Variants in MFSD11 observed in about 807,000 individuals in gnomAD.
The protein encoded by MFSD11 is major facilitator superfamily domain containing 11.
Under a neutral mutation model 53.5 loss-of-function variants are expected in MFSD11, and 36 were observed. That is an observed-to-expected ratio of 0.67 (90% CI 0.52 to 0.89). The LOEUF (loss-of-function observed/expected upper bound fraction) is 0.89. Among genes scored for constraint, MFSD11 ranks in the 40% least tolerant of loss-of-function variants. The pLI, the probability that MFSD11 is intolerant of heterozygous loss-of-function variation, is 0.00. For synonymous variants in MFSD11, 186 were observed against 184.9 expected, an observed-to-expected ratio of 1.01 and a Z score of -0.05; for missense variants, 530 against 543.9, an observed-to-expected ratio of 0.97 and a Z score of 0.25.
chr17:76,796,810 C>CAA, the MFSD11 span, among the ~76,000 whole-genome samples: 209 of 20,820 alleles, frequency 0.01, 2 homozygotes, highest in Admixed American at 0.028. Flanking sequence ...ACTAAAAATA[C>CAA]CAAAAAAAAA....
At chr17:76,781,334 G>A (rs868781969), downstream of MFSD11, 4 of 152,326 alleles carry the variant, frequency 2.6e-5, no homozygotes, top group Admixed American at 6.5e-5. Context: ...CTCCATCAAA[G>A]GTCACAAGCA....
intron 7 of MFSD11, chr17:76,753,035 T>TG: frequency 6.8e-6 from 1 of 148,132 alleles, no homozygotes; most frequent in Admixed American, 6.7e-5. Flanking sequence ...TCTTGTTCCA[T>TG]AAAAAAAAAA....
downstream of MFSD11, among the ~76,000 whole-genome samples, chr17:76,781,719 G>A (rs999147447): frequency 6.6e-6 from 1 of 152,168 alleles, no homozygotes; most frequent in Non-Finnish European, 1.5e-5. Context: ...TTGTCAAAAG[G>A]GAAAGGAAAT....
chr17:76,748,382 A>G (rs1036044613), intron 7 of MFSD11, among the ~76,000 whole-genome samples: 1 of 152,150 alleles, frequency 6.6e-6, no homozygotes, highest in Non-Finnish European at 1.5e-5. Flanking sequence ...AAGAGGTCCA[A>G]AGAGACAGCT....
At chr17:76,796,290 T>C in the MFSD11 span, among the ~76,000 whole-genome samples, 11 of 152,168 alleles carry the variant, frequency 7.2e-5, no homozygotes, top group Admixed American at 2.0e-4. Context: ...AGCCTTTTCC[T>C]GACTTTAGTG....
chr17:76,801,609 G>A, the MFSD11 span, among the ~76,000 whole-genome samples: 4 of 152,020 alleles, frequency 2.6e-5, no homozygotes, highest in Middle Eastern at 6.8e-3. Context: ...ACCACGCCTG[G>A]CTAATTTTGC....
chr17:76,744,283 T>G lies in MFSD11; in HGVS notation c.497-39T>G, dbSNP rs775171257. The stretch of plus-strand genomic sequence containing the variant: ...ACCGTGATACTAATTCTGGAATTGT[T>G]TGGTCGATACTATCTTGTTTCTTCT... On this transcript the variant is annotated intron_variant, in intron 6 of 12. Transcript: ENST00000685175. 3.2e-6 allele frequency: 5 copies of G among 1,566,290 alleles called. No homozygotes were observed. The African/African-American group carries it at 4.1e-5, about 13-fold the overall frequency.
chr17:76,783,718 C>A (rs1461203766), downstream of MFSD11, among the ~76,000 whole-genome samples: 1 of 152,102 alleles, frequency 6.6e-6, no homozygotes, highest in Admixed American at 6.6e-5. Flanking sequence ...GCCACCACGC[C>A]CAGCCTATTT....
intron 10 of MFSD11, among the ~76,000 whole-genome samples, chr17:76,772,350 A>G (rs905867502): frequency 2.6e-5 from 4 of 151,886 alleles, no homozygotes; most frequent in African/African-American, 9.6e-5. Context: ...CAGTGAATCC[A>G]GATCACACCA....
intron 8 of MFSD11, among the ~76,000 whole-genome samples, chr17:76,764,286 C>T (rs546690552): frequency 3.3e-5 from 5 of 152,094 alleles, no homozygotes; most frequent in Admixed American, 6.5e-5. Context: ...TACTTTCCAA[C>T]CAAATTTCAA....
downstream of MFSD11, among the ~76,000 whole-genome samples, chr17:76,783,715 C>T (rs1170188954): frequency 4.6e-5 from 7 of 152,092 alleles, no homozygotes; most frequent in Non-Finnish European, 7.4e-5. Flanking sequence ...CCTGCCACCA[C>T]GCCCAGCCTA....
downstream of MFSD11, among the ~76,000 whole-genome samples, chr17:76,784,932 A>G (rs1253470722): frequency 6.6e-6 from 1 of 152,178 alleles, no homozygotes; most frequent in Non-Finnish European, 1.5e-5. Flanking sequence ...CTTATTCTCA[A>G]CAAACTAAAA....
At chr17:76,737,860 C>T (rs2077635017), upstream of MFSD11, 1 of 164,848 alleles carries the variant, frequency 6.1e-6, no homozygotes, top group African/African-American at 2.4e-5. Flanking sequence ...AGCCCGAGAG[C>T]TCCGTCGGCT....
downstream of MFSD11, among the ~76,000 whole-genome samples, chr17:76,780,428 G>A (rs991144746): frequency 1.7e-4 from 26 of 151,146 alleles, no homozygotes; most frequent in African/African-American, 6.1e-4. Flanking sequence ...CCATGGCCTC[G>A]CAAAGTGCTG....
In MFSD11 at chr17:76,776,815, A is replaced by G. The variant is rs2081875569; in HGVS notation, c.1185+274A>G. On this transcript the variant is annotated intron_variant, in intron 12 of 12. Transcript: ENST00000685175. This position sits in a 1 kb window ranked among gnomAD's most constrained non-coding sequence, Gnocchi z 4.2. The stretch of plus-strand genomic sequence containing the variant: ...ACCACCATGCCTGGCTAATTTTTGT[A>G]TTTTTTTTTTCTTTTTAGCAGAGGC... Among the ~76,000 whole-genome samples the G allele has an allele frequency of 6.8e-6, 1 of 146,900 alleles. No homozygotes were observed. The highest frequency in any genetic ancestry group is 1.5e-5 in the Non-Finnish European group (1 of 66,250).
At chr17:76,774,738 T>C (rs1256957340) in intron 10 of MFSD11, among the ~76,000 whole-genome samples, 1 of 152,212 alleles carries the variant, frequency 6.6e-6, no homozygotes, top group Non-Finnish European at 1.5e-5. Context: ...GGATAGCTTG[T>C]GGGGTACAAT....
At chr17:76,786,427 C>A (rs747725461), downstream of MFSD11, among the ~76,000 whole-genome samples, 8 of 152,168 alleles carry the variant, frequency 5.3e-5, no homozygotes, top group Admixed American at 4.6e-4. Context: ...CAGGCATAAG[C>A]CACCACACCT....
At chr17:76,774,250 AT>A (rs2081619983) in intron 10 of MFSD11, among the ~76,000 whole-genome samples, 1 of 151,504 alleles carries the variant, frequency 6.6e-6, no homozygotes, top group South Asian at 2.1e-4. Flanking sequence ...TATATATACA[AT>A]TTTTTCTTTC....
chr17:76,770,909 C>T (rs533794967), intron 10 of MFSD11, among the ~76,000 whole-genome samples: 3 of 152,326 alleles, frequency 2.0e-5, no homozygotes, highest in South Asian at 2.1e-4. Flanking sequence ...GTTACATAGG[C>T]ATGCTTGATT....
Sources: allele counts gnomAD v4.1 joint callset (sites outside exome capture counted in the v4.1 genomes callset), GRCh38; gene constraint gnomAD v4.1.1; non-coding constraint Gnocchi (gnomAD v3.1); transcripts MANE v1.5; gene names NCBI Gene and HGNC (gene_info 2026-07-23, HGNC 2026-07-21).